The following SYNJ1 variants were observed in gnomAD, a reference collection of about 807,000 sequenced individuals.
SYNJ1 encodes polyphosphatidylinositol phosphatase SYNJ1.
A neutral mutation model predicts 168.2 loss-of-function variants in SYNJ1; 78 were observed. That is an observed-to-expected ratio of 0.46 (90% confidence interval 0.39 to 0.56). The LOEUF (loss-of-function observed/expected upper bound fraction) is 0.56. Among genes scored for constraint, SYNJ1 ranks in the 20% least tolerant of loss-of-function variants. The probability of loss-of-function intolerance (pLI) is 0.00; values close to 1 mark genes in which losing one functional copy is unlikely to be tolerated. For synonymous variants in SYNJ1, 539 were observed against 548.6 expected (o/e 0.98, Z 0.24); for missense variants, 1,303 against 1,597.6 (o/e 0.82, Z 3.14).
At chr21:32,721,179 T>G (rs2043206207) in intron 2 of SYNJ1, among the ~76,000 whole-genome samples, 1 of 152,234 alleles carries the variant, frequency 6.6e-6, no homozygotes, top group Non-Finnish European at 1.5e-5. Flanking sequence ...CCTGCTACAC[T>G]GAACCACTAT....
In SYNJ1 at chr21:32,721,237, AC is replaced by A. The variant is rs768071546; in HGVS notation, c.124+5534del. On this transcript the variant is annotated intron_variant, in intron 2 of 32. Coordinates refer to ENST00000674351, the MANE Select transcript of SYNJ1 (RefSeq NM_203446.3). ...TTAATCAAACACTTGCTGTACAAAT[AC>A]TTTTCAAAACTGAGTAATGCTAAAA... Among the ~76,000 whole-genome samples the A allele has an allele frequency of 1.1e-3, 160 of 152,368 alleles. 1 individual carries two copies. Among genetic ancestry groups the A allele is most frequent in the Non-Finnish European group, 2.0e-3 (137 of 68,040 alleles).
chr21:32,699,802 T>TATAA, intron 4 of SYNJ1, 36 bp downstream of exon 4: 1 of 1,588,972 alleles, frequency 6.3e-7, no homozygotes, highest in Non-Finnish European at 8.6e-7. Flanking sequence ...GAACATATTA[T>TATAA]GTCCCAAATC....
intron 23 of SYNJ1, 76 bp downstream of exon 23, chr21:32,650,108 T>C: frequency 6.7e-7 from 1 of 1,493,940 alleles, no homozygotes; most frequent in South Asian, 1.4e-5. Context: ...AAAGATGAAC[T>C]TGGAAAATAA....
chr21:32,644,421 T>C (rs577729338), intron 26 of SYNJ1, among the ~76,000 whole-genome samples: 2 of 152,348 alleles, frequency 1.3e-5, no homozygotes, highest in Admixed American at 1.3e-4. Context: ...ACACTGGATT[T>C]GTAAAAGTTC....
At chr21:32,719,455 C>T (rs1434079878) in intron 2 of SYNJ1, among the ~76,000 whole-genome samples, 4 of 152,080 alleles carry the variant, frequency 2.6e-5, no homozygotes, top group Admixed American at 1.3e-4. Context: ...GGCTCACGCC[C>T]GTAATCCCAG....
chr21:32,683,638 CAT>C (rs1258974010), intron 10 of SYNJ1, among the ~76,000 whole-genome samples: 3 of 151,982 alleles, frequency 2.0e-5, no homozygotes, highest in Non-Finnish European at 4.4e-5. Flanking sequence ...TATAATTGTA[CAT>C]ATGAAAATAG....
At chr21:32,677,461 C>T (rs1447975123) in intron 12 of SYNJ1, among the ~76,000 whole-genome samples, 1 of 152,068 alleles carries the variant, frequency 6.6e-6, no homozygotes, top group African/African-American at 2.4e-5. Flanking sequence ...AAACTAAAAA[C>T]ACTAATGCTG....
At position 32,700,005 on chromosome 21, in the gene SYNJ1, T is replaced by C. The variant is rs1295182111; in HGVS notation, c.312A>G (p.Ile104Met). 8.7e-6 allele frequency: 14 copies of C among 1,614,208 alleles called. No homozygotes were observed. Among genetic ancestry groups the C allele is most frequent in the Admixed American group, 6.7e-5 (4 of 60,034 alleles). Reference sequence around the variant, plus strand: ...CATCTGAAGAATCGATTCGCAGTGATATAAACTCAGTGGAAGTAACTCGGA... The same window carrying C: ...CATCTGAAGAATCGATTCGCAGTGACATAAACTCAGTGGAAGTAACTCGGA... ...EVFRVTSTEF[I>M]SLRIDSSDED... Residue 104 changes from isoleucine (I) to methionine (M), a missense_variant, in exon 4 of 33, where the codon ATA becomes ATG. Coordinates refer to ENST00000674351, the MANE Select transcript of SYNJ1 (RefSeq NM_203446.3).
upstream of SYNJ1, chr21:32,728,262 CT>C: frequency 1.8e-6 from 1 of 547,790 alleles, no homozygotes; most frequent in East Asian, 3.5e-5. Flanking sequence ...CTCCTTGGTC[CT>C]TTTGCGTGGG....
At chr21:32,706,410 A>G (rs1251453614) in intron 2 of SYNJ1, among the ~76,000 whole-genome samples, 1 of 152,100 alleles carries the variant, frequency 6.6e-6, no homozygotes, top group Non-Finnish European at 1.5e-5. Context: ...TTTCTAGGAA[A>G]TACATAGCAA....
chr21:32,666,534 C>T lies in SYNJ1; in HGVS notation c.1851G>A (p.Lys617=), dbSNP rs2145927066. ...CATACTTGTTGTCTCTGGAGATTGT[C>T]TTCTGAAGTTCTACAGCCCAGAGCT... ...NQKLWAVELQ[K]TISRDNKYVL... The change falls in exon 16 of 33, where the codon AAG becomes AAA. Residue 617 remains lysine, a synonymous_variant. Coordinates refer to ENST00000674351, the MANE Select transcript of SYNJ1 (RefSeq NM_203446.3). The T allele has an allele frequency of 6.2e-7, 1 of 1,614,052 alleles. No individual in the cohort carries two copies.
chr21:32,664,472 A>G (rs2040841954), intron 18 of SYNJ1, among the ~76,000 whole-genome samples: 1 of 152,164 alleles, frequency 6.6e-6, no homozygotes, highest in East Asian at 1.9e-4. Flanking sequence ...TGCTATCTAT[A>G]GATTTCAGAC....
chr21:32,689,320 C>T (rs1372421174), intron 6 of SYNJ1, among the ~76,000 whole-genome samples: 2 of 152,026 alleles, frequency 1.3e-5, no homozygotes, highest in African/African-American at 2.4e-5. Context: ...TTGTGGGGGA[C>T]GGAGTCTCAC....
chr21:32,656,987 C>T lies in SYNJ1; in HGVS notation c.2579+16G>A, dbSNP rs1156642854. 3 of 1,611,848 alleles carry T rather than the reference C, an allele frequency of 1.9e-6. No individual in the cohort carries two copies. The highest frequency in any genetic ancestry group is 2.5e-6 in the Non-Finnish European group (3 of 1,179,174). ...CAAATTTCAAACACTATTAGAAAAACTGAGACTGCTTAAACCTGTGGTCAG... is the reference window on the plus strand; with the variant it reads ...CAAATTTCAAACACTATTAGAAAAATTGAGACTGCTTAAACCTGTGGTCAG... On this transcript the variant is annotated intron_variant, in intron 20 of 32. Coordinates refer to ENST00000674351, the MANE Select transcript of SYNJ1 (RefSeq NM_203446.3).
intron 18 of SYNJ1, among the ~76,000 whole-genome samples, chr21:32,664,634 G>T (rs918542149): frequency 1.3e-5 from 2 of 152,078 alleles, no homozygotes; most frequent in African/African-American, 2.4e-5. Flanking sequence ...AAAGGGACAG[G>T]AATTGCTCAC....
At chr21:32,695,010 C>T (rs761990214) in intron 5 of SYNJ1, 47 bp downstream of exon 5, 1 of 1,500,966 alleles carries the variant, frequency 6.7e-7, no homozygotes, top group Non-Finnish European at 9.1e-7. Context: ...ATTTTCTGTG[C>T]TTCTCCTATA....
chr21:32,674,226 C>CAT (rs906432592), intron 13 of SYNJ1, among the ~76,000 whole-genome samples: 2 of 152,210 alleles, frequency 1.3e-5, no homozygotes, highest in Non-Finnish European at 2.9e-5. Flanking sequence ...GTTTCAAAAA[C>CAT]ATATGAGGCC....
chr21:32,676,289 G>A, intron 13 of SYNJ1, 43 bp downstream of exon 13: 10 of 1,496,558 alleles, frequency 6.7e-6, no homozygotes, highest in Non-Finnish European at 9.0e-6. Flanking sequence ...GAAAAAATAA[G>A]AAAAAATTGC....
At chr21:32,689,716 A>G (rs1009148355) in intron 6 of SYNJ1, among the ~76,000 whole-genome samples, 2 of 152,284 alleles carry the variant, frequency 1.3e-5, no homozygotes, top group Admixed American at 6.5e-5. Flanking sequence ...TTAACAGTAC[A>G]GTATTATCAT....
Sources: allele counts gnomAD v4.1 joint callset (sites outside exome capture counted in the v4.1 genomes callset), GRCh38; gene constraint gnomAD v4.1.1; transcripts MANE v1.5; gene names NCBI Gene and HGNC (gene_info 2026-07-23, HGNC 2026-07-21).